GFPT1: variants seen among roughly 807,000 people sequenced by gnomAD.
GFPT1 encodes the protein glutamine--fructose-6-phosphate aminotransferase [isomerizing] 1.
In GFPT1, 40 loss-of-function variants were observed where a neutral mutation model predicts 92.0. The ratio of observed to expected loss-of-function variants is 0.43; its 90% CI spans 0.34 to 0.57. The LOEUF is 0.57. Ranked by LOEUF, GFPT1 falls within the 20% of genes least tolerant of loss-of-function variation. GFPT1 has a pLI of 0.02. For synonymous variants in GFPT1, 269 were observed against 280.6 expected (o/e 0.96, Z 0.41); for missense variants, 448 against 869.1 (o/e 0.52, Z 6.09).
Position 69,387,224 on chromosome 2 carries a change from C to T in GFPT1, c.-153G>A, listed in dbSNP as rs886056265. On this transcript the variant is annotated 5_prime_UTR_variant, in exon 1 of 20. Transcript: ENST00000357308. The stretch of plus-strand genomic sequence containing the variant: ...ATGCGACGGCCAAGGCAACGACAGC[C>T]TTCTCCGCCTCCCGGGCTCCGCCAG... 1.0e-5 allele frequency: 8 copies of T among 777,446 alleles called. No individual in the cohort carries two copies. The highest frequency in any genetic ancestry group is 9.2e-5 in the African/African-American group (5 of 54,218). The allele number at this position is 777,446 out of a possible 1,614,324, so 48.2% of individuals were successfully genotyped here. A position where few individuals can be genotyped will look rare whatever the true frequency, so the allele number is the denominator to read the frequency against.
At chr2:69,372,814 A>C (rs1269425795) in intron 2 of GFPT1, among the ~76,000 whole-genome samples, 1 of 152,206 alleles carries the variant, frequency 6.6e-6, no homozygotes, top group African/African-American at 2.4e-5. Flanking sequence ...GTGTACAAAA[A>C]AGAGTTAACA....
intron 1 of GFPT1, among the ~76,000 whole-genome samples, chr2:69,383,034 A>C (rs578203672): frequency 6.6e-6 from 1 of 152,368 alleles, no homozygotes; most frequent in East Asian, 1.9e-4. Flanking sequence ...GCCAAGTATA[A>C]AGCCATCATT....
intron 9 of GFPT1, 70 bp from the exon 10 acceptor site, chr2:69,350,253 T>C: frequency 8.1e-6 from 8 of 991,034 alleles, no homozygotes; most frequent in Non-Finnish European, 1.3e-5. Context: ...ATATGCATAA[T>C]ATTCTATAAA....
At chr2:69,351,672 T>C (rs562195211) in intron 9 of GFPT1, among the ~76,000 whole-genome samples, 38 of 152,336 alleles carry the variant, frequency 2.5e-4, no homozygotes, top group Non-Finnish European at 4.7e-4. Context: ...CTGTGATTAT[T>C]TGATGTTTTA....
At chr2:69,338,370 A>C (rs1172509740) in intron 14 of GFPT1, 75 bp downstream of exon 14, 2 of 1,268,226 alleles carry the variant, frequency 1.6e-6, no homozygotes, top group African/African-American at 3.0e-5. Context: ...TTTAAATATC[A>C]GCTTTTGCCA....
At chr2:69,371,826 G>C (rs1671757409) in intron 2 of GFPT1, among the ~76,000 whole-genome samples, 1 of 151,276 alleles carries the variant, frequency 6.6e-6, no homozygotes, top group African/African-American at 2.4e-5. Flanking sequence ...GACAGAGCAA[G>C]ACTCCATCTC....
At chr2:69,363,881 G>A (rs1018766246) in intron 3 of GFPT1, among the ~76,000 whole-genome samples, 4 of 152,150 alleles carry the variant, frequency 2.6e-5, no homozygotes, top group South Asian at 2.1e-4. Flanking sequence ...GTGGGAGGCC[G>A]AGGCAGGTGG....
intron 2 of GFPT1, among the ~76,000 whole-genome samples, chr2:69,372,952 G>T (rs1237561321): frequency 1.3e-5 from 2 of 152,162 alleles, no homozygotes; most frequent in Non-Finnish European, 2.9e-5. Context: ...TACACAAACT[G>T]TGCAAACAAA....
At chr2:69,386,532 G>C (rs1363240326) in intron 1 of GFPT1, among the ~76,000 whole-genome samples, 1 of 152,246 alleles carries the variant, frequency 6.6e-6, no homozygotes, top group African/African-American at 2.4e-5. Flanking sequence ...TTTCTGTTGA[G>C]ACAAGGGATG....
intron 3 of GFPT1, among the ~76,000 whole-genome samples, chr2:69,364,297 A>C (rs1022616007): frequency 1.3e-5 from 2 of 152,214 alleles, no homozygotes; most frequent in Non-Finnish European, 2.9e-5. Flanking sequence ...CCAAAAAACT[A>C]ATACAGAGTT....
chr2:69,383,391 CACA>C (rs1257361318), intron 1 of GFPT1, among the ~76,000 whole-genome samples: 11 of 152,186 alleles, frequency 7.2e-5, no homozygotes, highest in South Asian at 2.1e-4. Flanking sequence ...TATTTTCTCT[CACA>C]ACTTCTTCAT....
At chr2:69,340,645 T>TA (rs572692794) in intron 13 of GFPT1, among the ~76,000 whole-genome samples, 3,192 of 147,150 alleles carry the variant, frequency 0.022, 111 homozygotes, top group African/African-American at 0.073. Context: ...ATATAGATAC[T>TA]AAAAAAAAAA....
In GFPT1 at chr2:69,324,408, G is replaced by A. The variant is rs540498687; in HGVS notation, c.*1781C>T. ...ACATAAGAAATGACACTATACACAC[G>A]CTAGCTGACTTACACAAAATAATCT... On this transcript the variant is annotated 3_prime_UTR_variant, in exon 20 of 20. Transcript: ENST00000357308. 7 of 151,976 alleles carry A rather than the reference G, an allele frequency of 4.6e-5. No homozygotes were observed. The highest frequency in any genetic ancestry group is 7.4e-5 in the Non-Finnish European group (5 of 67,974). 9.4% of individuals were successfully genotyped at this position (151,976 alleles called of 1,614,324 possible). A position where few individuals can be genotyped will look rare whatever the true frequency, so the allele number is the denominator to read the frequency against.
chr2:69,368,458 T>C (rs1049771303), intron 3 of GFPT1, among the ~76,000 whole-genome samples: 1 of 152,112 alleles, frequency 6.6e-6, no homozygotes, highest in Non-Finnish European at 1.5e-5. Context: ...CCAGGCTCAG[T>C]GGCTAATGCC....
chr2:69,365,297 G>T (rs568340002), intron 3 of GFPT1, among the ~76,000 whole-genome samples: 1 of 152,082 alleles, frequency 6.6e-6, no homozygotes, highest in South Asian at 2.1e-4. Flanking sequence ...GGCCAACATG[G>T]TGAAACCCTG....
intron 15 of GFPT1, among the ~76,000 whole-genome samples, chr2:69,331,360 T>C (rs993125209): frequency 6.6e-5 from 10 of 152,156 alleles, no homozygotes; most frequent in African/African-American, 2.4e-4. Context: ...TTTAAGAAGG[T>C]AGTTATTGTT....
At chr2:69,345,872 C>G in intron 12 of GFPT1, 32 bp downstream of exon 12, 2 of 1,182,540 alleles carry the variant, frequency 1.7e-6, no homozygotes, top group Non-Finnish European at 2.5e-6. Context: ...GTCAGAGACA[C>G]TGAAATAATA....
At chr2:69,366,748 T>C (rs1318132459) in intron 3 of GFPT1, among the ~76,000 whole-genome samples, 1 of 152,182 alleles carries the variant, frequency 6.6e-6, no homozygotes, top group Non-Finnish European at 1.5e-5. Context: ...ATTCCTAAAG[T>C]ACACTTTTTC....
At chr2:69,332,119 G>A (rs1408402233) in intron 15 of GFPT1, among the ~76,000 whole-genome samples, 1 of 151,812 alleles carries the variant, frequency 6.6e-6, no homozygotes, top group Non-Finnish European at 1.5e-5. Context: ...AGTGCAAGTT[G>A]AAGGAACACT....
Sources: gnomAD v4.1 joint callset for allele counts (sites outside exome capture counted in the v4.1 genomes callset) on GRCh38, gnomAD v4.1.1 for gene constraint, MANE v1.5 for transcripts, NCBI Gene and HGNC (gene_info 2026-07-23, HGNC 2026-07-21) for gene names.